CD226: variants seen among roughly 807,000 people sequenced by gnomAD.
CD226 encodes the protein CD226 antigen.
In CD226, 24 loss-of-function variants were observed where a neutral mutation model predicts 34.9. The ratio of observed to expected loss-of-function variants is 0.69; its 90% CI spans 0.50 to 0.97. CD226 has a LOEUF of 0.97. CD226 is among the 50% of genes least tolerant of loss of function. The pLI is 0.00. For missense variants in CD226, 397 were observed against 412.7 expected (o/e 0.96, Z 0.33); for synonymous variants, 148 against 147.4 (o/e 1.00, Z -0.03).
intron 4 of CD226, among the ~76,000 whole-genome samples, chr18:69,872,407 AG>A (rs959119051): frequency 1.4e-5 from 2 of 143,278 alleles, no homozygotes; most frequent in Non-Finnish European, 3.0e-5. Context: ...ATACAGTAAA[AG>A]GTTTTTTTAA....
At chr18:69,915,774 C>A (rs73464754) in intron 2 of CD226, among the ~76,000 whole-genome samples, 1 of 152,144 alleles carries the variant, frequency 6.6e-6, no homozygotes, top group South Asian at 2.1e-4. Context: ...TATCATTTTA[C>A]ACTCTCAATT....
chr18:69,953,341 G>A (rs2055869813), intron 1 of CD226, among the ~76,000 whole-genome samples: 1 of 152,184 alleles, frequency 6.6e-6, no homozygotes, highest in Non-Finnish European at 1.5e-5. Flanking sequence ...ATGAATGAAT[G>A]AACAAATTGT....
At chr18:69,922,069 C>T (rs1330940465) in intron 2 of CD226, among the ~76,000 whole-genome samples, 1 of 152,130 alleles carries the variant, frequency 6.6e-6, no homozygotes, top group Admixed American at 6.5e-5. Context: ...CTAAACGGAG[C>T]ACTAAGGTGT....
intron 2 of CD226, among the ~76,000 whole-genome samples, chr18:69,900,425 C>T (rs143753043): frequency 8.1e-4 from 124 of 152,274 alleles, no homozygotes; most frequent in Middle Eastern, 6.8e-3. Context: ...ACCCACAAAC[C>T]TAAAAGTTTT....
chr18:69,911,512 T>C (rs1057333476), intron 2 of CD226, among the ~76,000 whole-genome samples: 1 of 152,186 alleles, frequency 6.6e-6, no homozygotes, highest in Non-Finnish European at 1.5e-5. Flanking sequence ...TTAAAGTCCA[T>C]GTTCACAGAG....
chr18:69,870,650 C>G (rs1333433019), intron 4 of CD226, among the ~76,000 whole-genome samples: 1 of 152,162 alleles, frequency 6.6e-6, no homozygotes, highest in Non-Finnish European at 1.5e-5. Flanking sequence ...GTTACTGTTG[C>G]TATCTCTGCA....
chr18:69,906,702 C>T (rs1216475955), intron 2 of CD226, among the ~76,000 whole-genome samples: 1 of 152,132 alleles, frequency 6.6e-6, no homozygotes, highest in Non-Finnish European at 1.5e-5. Context: ...TATTCACGTT[C>T]GTTGTAAGGG....
chr18:69,913,226 T>A (rs1212094370), intron 2 of CD226, among the ~76,000 whole-genome samples: 1 of 151,952 alleles, frequency 6.6e-6, no homozygotes, highest in Non-Finnish European at 1.5e-5. Context: ...GAGAGAGACA[T>A]CACAAGAATA....
At chr18:69,924,104 G>A (rs1318870137) in intron 2 of CD226, among the ~76,000 whole-genome samples, 1 of 151,684 alleles carries the variant, frequency 6.6e-6, no homozygotes, top group Non-Finnish European at 1.5e-5. Flanking sequence ...AGGGAGAAAC[G>A]AGCTTCTTGA....
rs7241191 is a variant in CD226, at chr18:69,856,217, T to C, written c.*8097A>G. On this transcript the variant is annotated 3_prime_UTR_variant, in exon 6 of 6. Coordinates refer to ENST00000582621, the MANE Select transcript of CD226 (RefSeq NM_001303618.2). ...TATCAAGAATAAAAGGGACATTACA[T>C]GTGGTAAAGGGGTCAATTCTCCAAG... 50,460 of 152,002 alleles carry C rather than the reference T, an allele frequency of 0.33. 8,691 individuals carry two copies. The highest frequency in any genetic ancestry group is 0.49 in the Middle Eastern group (143 of 292). The allele number at this position is 152,002 out of a possible 1,614,324, so 9.4% of individuals were successfully genotyped here. A position where few individuals can be genotyped will look rare whatever the true frequency, so the allele number is the denominator to read the frequency against.
intron 2 of CD226, among the ~76,000 whole-genome samples, chr18:69,924,550 C>CAA (rs79328097): frequency 3.2e-5 from 3 of 94,476 alleles, no homozygotes; most frequent in Non-Finnish European, 4.7e-5. Context: ...CCTAGACTTA[C>CAA]AAAAAAAAAA....
intron 2 of CD226, among the ~76,000 whole-genome samples, chr18:69,910,739 G>C (rs1337652474): frequency 6.6e-6 from 1 of 152,198 alleles, no homozygotes. Context: ...AACAATGGGG[G>C]AGACTGGATA....
At chr18:69,950,971 T>TTGTGTGTGTGTGTGTGTG (rs57098005), upstream of CD226, among the ~76,000 whole-genome samples, 1 of 132,606 alleles carries the variant, frequency 7.5e-6, no homozygotes, top group African/African-American at 2.9e-5. Flanking sequence ...AACTATGATT[T>TTGTGTGTGTGTGTGTGTG]TGTGTGTGTG....
rs1427337413 is a variant in CD226 at position 69,854,909 on chromosome 18, C to G, written c.*9405G>C. 2.0e-5 allele frequency: 3 copies of G among 152,306 alleles called. No individual in the cohort carries two copies. The highest frequency in any genetic ancestry group is 4.4e-5 in the Non-Finnish European group (3 of 68,180). 9.4% of individuals were successfully genotyped at this position (152,306 alleles called of 1,614,324 possible). On this transcript the variant is annotated 3_prime_UTR_variant, in exon 6 of 6. Transcript: ENST00000582621. Reference sequence around the variant, plus strand: ...GACAGAAAGTCTCTCTGAAGAGGAGCACTTAGGGAAGCCTGAACTCAAGAA... The same window carrying G: ...GACAGAAAGTCTCTCTGAAGAGGAGGACTTAGGGAAGCCTGAACTCAAGAA...
intron 2 of CD226, among the ~76,000 whole-genome samples, chr18:69,943,670 T>C (rs2055753497): frequency 6.6e-6 from 1 of 152,192 alleles, no homozygotes; most frequent in Non-Finnish European, 1.5e-5. Context: ...GGCTGACAGT[T>C]ACATCAATTT....
rs185443144 is a variant in CD226 at position 69,875,046 on chromosome 18, G to A, written c.728-1800C>T. Reference sequence around the variant, plus strand: ...GACAATGATGCAATACATACACGGTGCAGGTATTTCTTCAAGATACTGACC... The same window carrying A: ...GACAATGATGCAATACATACACGGTACAGGTATTTCTTCAAGATACTGACC... On this transcript the variant is annotated intron_variant, in intron 3 of 5. Transcript: ENST00000582621. Among the ~76,000 whole-genome samples, 318 of 152,312 alleles carry A rather than the reference G, an allele frequency of 2.1e-3. 1 individual carries two copies. The highest frequency in any genetic ancestry group is 7.2e-3 in the African/African-American group (301 of 41,578).
intron 2 of CD226, among the ~76,000 whole-genome samples, chr18:69,924,960 G>C (rs1404326542): frequency 1.3e-5 from 2 of 152,222 alleles, no homozygotes; most frequent in East Asian, 3.9e-4. Flanking sequence ...CATCTTTTTG[G>C]AAAAAGTGAT....
chr18:69,943,411 T>G (rs2055750176), intron 2 of CD226, among the ~76,000 whole-genome samples: 1 of 152,222 alleles, frequency 6.6e-6, no homozygotes, highest in Non-Finnish European at 1.5e-5. Flanking sequence ...TCTCACAAAC[T>G]AGGTAAAAAC....
rs574841531 is a variant in CD226, at chr18:69,890,307, T to C, written c.727+5394A>G. On this transcript the variant is annotated intron_variant, in intron 3 of 5. Coordinates refer to ENST00000582621, the MANE Select transcript of CD226 (RefSeq NM_001303618.2). ...TAACCAGAGTTTGGAACATTACAAATAGATGCAGGCCAGGTGTGGTGGTTC... is the reference window on the plus strand; with the variant it reads ...TAACCAGAGTTTGGAACATTACAAACAGATGCAGGCCAGGTGTGGTGGTTC... 6.6e-5 allele frequency among the ~76,000 whole-genome samples: 10 copies of C among 152,162 alleles called. No individual in the cohort carries two copies. In the East Asian group the frequency reaches 9.7e-4, roughly 15 times the overall value.
Sources: allele counts gnomAD v4.1 joint callset (sites outside exome capture counted in the v4.1 genomes callset), GRCh38; gene constraint gnomAD v4.1.1; transcripts MANE v1.5; gene names NCBI Gene and HGNC (gene_info 2026-07-23, HGNC 2026-07-21).